The following TENM2 variants were observed in gnomAD, a reference collection of about 807,000 sequenced individuals.
TENM2 encodes the protein teneurin-2.
Under a neutral mutation model 245.2 loss-of-function variants are expected in TENM2, and 52 were observed. The observed-to-expected ratio is 0.21, with a 90% confidence interval of 0.17 to 0.27. The LOEUF (loss-of-function observed/expected upper bound fraction) is 0.27, where lower values mean the gene tolerates loss of function less well. Among genes scored for constraint, TENM2 ranks in the 10% least tolerant of loss-of-function variants. TENM2 has a pLI of 1.00. For synonymous variants in TENM2, 1,363 were observed against 1,438.9 expected (o/e 0.95, Z 1.19); for missense variants, 3,046 against 3,666.8 (o/e 0.83, Z 4.37).
intron 2 of TENM2, among the ~76,000 whole-genome samples, chr5:167,637,138 C>G (rs967220890): frequency 6.6e-6 from 1 of 152,174 alleles, no homozygotes; most frequent in Non-Finnish European, 1.5e-5. Flanking sequence ...ATGCAAAGAA[C>G]TTAGAACAGC....
At chr5:167,909,247 T>C (rs1363938689) in intron 3 of TENM2, among the ~76,000 whole-genome samples, 4 of 152,266 alleles carry the variant, frequency 2.6e-5, no homozygotes, top group Middle Eastern at 3.4e-3. Flanking sequence ...GAGTTTACAG[T>C]TGGACTTTTG....
intron 5 of TENM2, among the ~76,000 whole-genome samples, chr5:168,037,650 G>A (rs998098148): frequency 2.0e-5 from 3 of 150,940 alleles, no homozygotes; most frequent in Non-Finnish European, 4.4e-5. Flanking sequence ...CTTCTCTGAA[G>A]TCCACCTCAT....
At chr5:167,777,582 TC>T (rs1763899104) in intron 2 of TENM2, among the ~76,000 whole-genome samples, 5 of 152,148 alleles carry the variant, frequency 3.3e-5, no homozygotes, top group Non-Finnish European at 5.9e-5. Context: ...TTGAGAAAGT[TC>T]CCTTGAAATT....
At chr5:167,251,016 G>A in the TENM2 span, among the ~76,000 whole-genome samples, 1 of 152,098 alleles carries the variant, frequency 6.6e-6, no homozygotes, top group African/African-American at 2.4e-5. Context: ...AACTATGAGA[G>A]ATGGAAGTAG....
the TENM2 span, among the ~76,000 whole-genome samples, chr5:167,212,220 A>G: frequency 6.6e-6 from 1 of 152,108 alleles, no homozygotes; most frequent in Non-Finnish European, 1.5e-5. Context: ...TTCCCTTGAA[A>G]AGCTTCCATA....
intron 6 of TENM2, among the ~76,000 whole-genome samples, chr5:168,048,902 C>T (rs1045485807): frequency 2.6e-5 from 4 of 152,298 alleles, no homozygotes; most frequent in South Asian, 4.1e-4. Flanking sequence ...TTTCCATAAT[C>T]GGGTAAGTTA....
chr5:168,112,255 A>G (rs1169611810), intron 9 of TENM2, among the ~76,000 whole-genome samples: 1 of 152,002 alleles, frequency 6.6e-6, no homozygotes, highest in Non-Finnish European at 1.5e-5. Flanking sequence ...CAGGGGTGCA[A>G]GTGTGGGTTC....
chr5:167,859,052 T>C (rs1314281667), intron 2 of TENM2, among the ~76,000 whole-genome samples: 26 of 145,650 alleles, frequency 1.8e-4, no homozygotes, highest in African/African-American at 2.3e-4. Flanking sequence ...CGCCATCACA[T>C]CTAGGAAGTG....
chr5:167,139,462 T>A, the TENM2 span, among the ~76,000 whole-genome samples: 9 of 152,348 alleles, frequency 5.9e-5, no homozygotes, highest in East Asian at 1.9e-4. Flanking sequence ...TAAGACCAAA[T>A]GTCAAAAAGA....
intron 3 of TENM2, among the ~76,000 whole-genome samples, chr5:167,903,111 T>G (rs569571085): frequency 1.3e-5 from 2 of 152,208 alleles, no homozygotes; most frequent in African/African-American, 4.8e-5. Flanking sequence ...TTTGTCAATA[T>G]TCAATAACAT....
chr5:167,141,239 A>T, the TENM2 span, among the ~76,000 whole-genome samples: 1 of 152,208 alleles, frequency 6.6e-6, no homozygotes, highest in South Asian at 2.1e-4. Context: ...TAATTATCCA[A>T]ACATTTCTGT....
At chr5:168,100,301 C>T (rs1490926180) in intron 9 of TENM2, among the ~76,000 whole-genome samples, 1 of 152,110 alleles carries the variant, frequency 6.6e-6, no homozygotes, top group Non-Finnish European at 1.5e-5. Context: ...TAAATTAGTT[C>T]AACCATTGTG....
At chr5:167,353,500 GTTTTTTTT>G (rs59240930) in intron 1 of TENM2, among the ~76,000 whole-genome samples, 11 of 79,458 alleles carry the variant, frequency 1.4e-4, no homozygotes, top group Admixed American at 1.1e-3. Flanking sequence ...TGTTGTTGTT[GTTTTTTTT>G]TTTTTTTTTT....
intron 25 of TENM2, among the ~76,000 whole-genome samples, chr5:168,242,708 T>G (rs1766204660): frequency 6.6e-6 from 1 of 152,186 alleles, no homozygotes; most frequent in African/African-American, 2.4e-5. Context: ...ATCCTAGAAC[T>G]TTGGGAGGAC....
At chr5:168,126,001 C>T (rs960530795) in intron 11 of TENM2, among the ~76,000 whole-genome samples, 3 of 152,196 alleles carry the variant, frequency 2.0e-5, no homozygotes, top group Admixed American at 6.5e-5. Flanking sequence ...CCTCAATAGA[C>T]TGATGAAAGG....
At chr5:167,013,543 T>TA in the TENM2 span, among the ~76,000 whole-genome samples, 1 of 151,910 alleles carries the variant, frequency 6.6e-6, no homozygotes, top group East Asian at 2.0e-4. Context: ...CTGTCTCCCC[T>TA]AAAAAATACA....
chr5:167,692,016 G>GCTACCAAACCCTCTGCCTTC lies in TENM2; in HGVS notation c.503-183967_503-183948dup, dbSNP rs1358770568. ...TACCTCCTTCTTGACCCTCTGCCTT[G>GCTACCAAACCCTCTGCCTTC]CTACCAAACCCTCTGCCTTCCTGAA... is the stretch of plus-strand genomic sequence containing the variant. On this transcript the variant is annotated intron_variant, in intron 2 of 28. Coordinates refer to ENST00000518659, the Ensembl canonical transcript of TENM2. Among the ~76,000 whole-genome samples, 51 of 152,198 alleles carry GCTACCAAACCCTCTGCCTTC rather than the reference G, an allele frequency of 3.4e-4. 1 individual carries two copies. The highest frequency in any genetic ancestry group is 1.1e-3 in the African/African-American group (46 of 41,530).
intron 4 of TENM2, among the ~76,000 whole-genome samples, chr5:167,983,603 C>T (rs1485492955): frequency 6.6e-6 from 1 of 152,104 alleles, no homozygotes; most frequent in African/African-American, 2.4e-5. Context: ...GGGCTTGAGT[C>T]GAAGCTTAGG....
At chr5:167,379,120 A>G (rs1051143821) in intron 2 of TENM2, among the ~76,000 whole-genome samples, 26 of 152,170 alleles carry the variant, frequency 1.7e-4, no homozygotes, top group Non-Finnish European at 1.5e-4. Context: ...GAAATTTACA[A>G]TCCTCATAAT....
Sources: allele counts gnomAD v4.1 joint callset (sites outside exome capture counted in the v4.1 genomes callset), GRCh38; gene constraint gnomAD v4.1.1; transcripts MANE v1.5; gene names NCBI Gene and HGNC (gene_info 2026-07-23, HGNC 2026-07-21).